NCOA3: variants seen among roughly 807,000 people sequenced by gnomAD.
The protein encoded by NCOA3 is nuclear receptor coactivator 3.
A neutral mutation model predicts 158.8 loss-of-function variants in NCOA3; 51 were observed. The observed-to-expected ratio is 0.32, with a 90% CI of 0.26 to 0.41. NCOA3 has a LOEUF of 0.41. Ranked by LOEUF, NCOA3 falls within the 10% of genes least tolerant of loss-of-function variation. The pLI, the probability that NCOA3 is intolerant of heterozygous loss-of-function variation, is 1.00. For missense variants in NCOA3, 1,510 were observed against 1,746.6 expected (o/e 0.86, Z 2.41); for synonymous variants, 537 against 592.4 (o/e 0.91, Z 1.36).
At chr20:47,577,446 A>G (rs548955444) in intron 1 of NCOA3, among the ~76,000 whole-genome samples, 2 of 152,318 alleles carry the variant, frequency 1.3e-5, no homozygotes, top group African/African-American at 4.8e-5. Flanking sequence ...CAACCCCATG[A>G]AAAAGGCAGG....
chr20:47,546,035 T>G (rs549103146), intron 1 of NCOA3, among the ~76,000 whole-genome samples: 6 of 152,306 alleles, frequency 3.9e-5, no homozygotes, highest in African/African-American at 1.4e-4. Flanking sequence ...TTATGTGAGA[T>G]AAACCTCTCT....
At position 47,584,601 on chromosome 20, in the gene NCOA3, CAGAGTGAGACTTCATCTCAAAA is replaced by C. The variant is rs1369969245; in HGVS notation, c.-20+1342_-20+1363del. Among the ~76,000 whole-genome samples, 22 of 137,724 alleles carry C rather than the reference CAGAGTGAGACTTCATCTCAAAA, an allele frequency of 1.6e-4. No individual in the cohort carries two copies. In the East Asian group the frequency reaches 4.6e-3, roughly 29 times the overall value. The allele number at this position is 137,724 out of a possible 152,430, so 90.4% of individuals were successfully genotyped here. ...TGCTACAGCACTCCAGCCTGGGCAA[CAGAGTGAGACTTCATCTCAAAA>C]AAAAAAAAAAAAGTCATAAGGAAGA... On this transcript the variant is annotated intron_variant, in intron 2 of 22. Coordinates refer to ENST00000371998, the MANE Select transcript of NCOA3 (RefSeq NM_181659.3).
At chr20:47,504,770 C>T (rs888180893) in intron 1 of NCOA3, among the ~76,000 whole-genome samples, 4 of 150,216 alleles carry the variant, frequency 2.7e-5, no homozygotes, top group African/African-American at 9.8e-5. Context: ...CACCACTGCA[C>T]TCCAGCCTGG....
intron 1 of NCOA3, among the ~76,000 whole-genome samples, chr20:47,535,532 C>T (rs781663959): frequency 1.9e-4 from 28 of 150,262 alleles, no homozygotes; most frequent in Admixed American, 1.7e-3. Flanking sequence ...TTTTTGAGAC[C>T]GAGTCTCACT....
At chr20:47,560,687 ATCTTCAGTGAGGTG>A (rs1225528063) in intron 1 of NCOA3, among the ~76,000 whole-genome samples, 4 of 152,110 alleles carry the variant, frequency 2.6e-5, no homozygotes, top group Non-Finnish European at 5.9e-5. Context: ...CTATATGTGT[ATCTTCAGTGAGGTG>A]TCTTTAGTCC....
rs1476824507 is a variant in NCOA3, at chr20:47,501,971, GGCGAGTTTCCGATTTAAAGCTGAGCT to G, written c.-141_-116del. On this transcript the variant is annotated 5_prime_UTR_variant, in exon 1 of 23. Coordinates refer to ENST00000371998, the MANE Select transcript of NCOA3 (RefSeq NM_181659.3). ...GGCCGGCGGCGGCTGCGGGCTGAGC[GGCGAGTTTCCGATTTAAAGCTGAGCT>G]GCGAGGAAAATGGCGGCGGGAGGTG... 65 of 400,092 alleles carry G rather than the reference GGCGAGTTTCCGATTTAAAGCTGAGCT, an allele frequency of 1.6e-4. No homozygotes were observed. The highest frequency in any genetic ancestry group is 2.7e-4 in the Non-Finnish European group (61 of 227,110). 24.8% of individuals were successfully genotyped at this position (400,092 alleles called of 1,614,324 possible). A position where few individuals can be genotyped will look rare whatever the true frequency, so the allele number is the denominator to read the frequency against.
At chr20:47,629,824 C>G (rs1273073106) in intron 8 of NCOA3, among the ~76,000 whole-genome samples, 4 of 152,162 alleles carry the variant, frequency 2.6e-5, no homozygotes, top group Non-Finnish European at 5.9e-5. Flanking sequence ...AATAAAATAT[C>G]TTTAAGCAAT....
chr20:47,643,155 C>A (rs963009970), intron 17 of NCOA3, among the ~76,000 whole-genome samples: 1 of 152,246 alleles, frequency 6.6e-6, no homozygotes, highest in African/African-American at 2.4e-5. Context: ...CTCAAGTGAT[C>A]CACTCGCCTT....
At chr20:47,520,635 G>T (rs2084314624) in intron 1 of NCOA3, among the ~76,000 whole-genome samples, 1 of 152,072 alleles carries the variant, frequency 6.6e-6, no homozygotes, top group Non-Finnish European at 1.5e-5. Context: ...TGCCCTGGAA[G>T]GCTCAAACCC....
chr20:47,622,789 G>A (rs2086262858), intron 3 of NCOA3, among the ~76,000 whole-genome samples: 2 of 152,164 alleles, frequency 1.3e-5, no homozygotes. Context: ...TTTTGCGGGC[G>A]GGGTTAGATC....
At chr20:47,528,023 G>A (rs138551848) in intron 1 of NCOA3, among the ~76,000 whole-genome samples, 2 of 152,030 alleles carry the variant, frequency 1.3e-5, no homozygotes, top group East Asian at 3.9e-4. Flanking sequence ...AAATGTTCTC[G>A]ATATCCATCT....
intron 1 of NCOA3, among the ~76,000 whole-genome samples, chr20:47,573,804 A>G (rs186971756): frequency 6.6e-6 from 1 of 152,336 alleles, no homozygotes; most frequent in East Asian, 1.9e-4. Context: ...TTTCTTAGCC[A>G]CACCTAGGGA....
intron 12 of NCOA3, 26 bp downstream of exon 12, chr20:47,636,788 C>A: frequency 6.5e-7 from 1 of 1,539,342 alleles, no homozygotes; most frequent in South Asian, 1.3e-5. Context: ...TATATTTCAG[C>A]TCATATTTCA....
At chr20:47,567,849 G>A (rs182324408) in intron 1 of NCOA3, among the ~76,000 whole-genome samples, 3 of 152,270 alleles carry the variant, frequency 2.0e-5, no homozygotes, top group Admixed American at 6.5e-5. Flanking sequence ...GGGATTACAG[G>A]TGTGAGCCAC....
intron 1 of NCOA3, among the ~76,000 whole-genome samples, chr20:47,518,573 G>A (rs550943595): frequency 1.1e-4 from 16 of 151,800 alleles, no homozygotes; most frequent in African/African-American, 3.6e-4. Context: ...TTACAGGCAT[G>A]CACCACTAAG....
chr20:47,545,282 T>C (rs1355851272), intron 1 of NCOA3, among the ~76,000 whole-genome samples: 1 of 151,676 alleles, frequency 6.6e-6, no homozygotes, highest in African/African-American at 2.4e-5. Flanking sequence ...GTTCAAGGGA[T>C]TCTCCTGCCT....
At chr20:47,529,937 G>A (rs190885614) in intron 1 of NCOA3, among the ~76,000 whole-genome samples, 24 of 152,292 alleles carry the variant, frequency 1.6e-4, no homozygotes, top group African/African-American at 5.1e-4. Context: ...AAGAAGAACC[G>A]CAGACATTCT....
chr20:47,502,393 C>A (rs1243843462), intron 1 of NCOA3, among the ~76,000 whole-genome samples: 1 of 152,150 alleles, frequency 6.6e-6, no homozygotes, highest in African/African-American at 2.4e-5. Context: ...CTTTTGAAAG[C>A]TCCCCGCGTC....
At chr20:47,532,425 T>C (rs1036168851) in intron 1 of NCOA3, among the ~76,000 whole-genome samples, 20 of 152,212 alleles carry the variant, frequency 1.3e-4, no homozygotes, top group African/African-American at 4.6e-4. Flanking sequence ...AGTGAGGCCT[T>C]GCAGACAGTT....
Sources: allele counts gnomAD v4.1 joint callset (sites outside exome capture counted in the v4.1 genomes callset), GRCh38; gene constraint gnomAD v4.1.1; transcripts MANE v1.5; gene names NCBI Gene and HGNC (gene_info 2026-07-23, HGNC 2026-07-21).